Variants in NCAN observed in about 807,000 individuals in gnomAD.
NCAN encodes neurocan core protein.
NCAN carries 47 observed loss-of-function variants against 121.8 expected under a neutral mutation model. The ratio of observed to expected loss-of-function variants is 0.39; its 90% CI spans 0.31 to 0.49. The LOEUF (loss-of-function observed/expected upper bound fraction) is 0.49. Among genes scored for constraint, NCAN ranks in the 20% least tolerant of loss-of-function variants. The probability of loss-of-function intolerance (pLI) is 0.92; values close to 1 mark genes in which losing one functional copy is unlikely to be tolerated. For missense variants in NCAN, 1,517 were observed against 1,773.4 expected (o/e 0.86, Z 2.60); for synonymous variants, 633 against 702.0 (o/e 0.90, Z 1.55).
chr19:19,226,332 T>G (rs993722260), intron 6 of NCAN, among the ~76,000 whole-genome samples, 154 bp from the exon 7 acceptor site: 5 of 152,064 alleles, frequency 3.3e-5, no homozygotes, highest in African/African-American at 1.2e-4. Context: ...TGCACTTCCC[T>G]CTCCCAGGCT....
intron 3 of NCAN, among the ~76,000 whole-genome samples, chr19:19,222,608 A>G (rs1276565126): frequency 6.6e-6 from 1 of 152,120 alleles, no homozygotes; most frequent in Non-Finnish European, 1.5e-5. Context: ...GAGCACCTAC[A>G]CTGTACTGGT....
Position 19,240,364 on chromosome 19 carries a change from C to T in NCAN, c.3410-239C>T, listed in dbSNP as rs576303208. On this transcript the variant is annotated intron_variant, in intron 11 of 14. Transcript: ENST00000252575. ...CTTCCCCTCCCATACATACCTCACCCGGCCCCCAGCCCACAGAGAGGCTGA... is the reference window on the plus strand; with the variant it reads ...CTTCCCCTCCCATACATACCTCACCTGGCCCCCAGCCCACAGAGAGGCTGA... Among the ~76,000 whole-genome samples the T allele has an allele frequency of 8.5e-5, 13 of 152,082 alleles. 1 individual carries two copies. In the South Asian group the frequency reaches 1.2e-3, roughly 15 times the overall value.
chr19:19,231,033 G>A (rs561367600), intron 8 of NCAN, among the ~76,000 whole-genome samples: 3 of 151,796 alleles, frequency 2.0e-5, no homozygotes, highest in Non-Finnish European at 2.9e-5. Flanking sequence ...GACATGAGCC[G>A]TAGCGCCGGG....
chr19:19,213,510 G>C (rs946135284), intron 1 of NCAN, among the ~76,000 whole-genome samples: 5 of 150,102 alleles, frequency 3.3e-5, no homozygotes, highest in East Asian at 4.0e-4. Context: ...TTATGTGGGG[G>C]GGGGGGGGCC....
At chr19:19,240,446 C>T (rs2060899208) in intron 11 of NCAN, among the ~76,000 whole-genome samples, 157 bp from the exon 12 acceptor site, 2 of 151,944 alleles carry the variant, frequency 1.3e-5, no homozygotes, top group Admixed American at 6.6e-5. Context: ...TCTTCATTTC[C>T]ACCTTCTAGA....
chr19:19,249,849 C>T lies in NCAN; in HGVS notation c.3904C>T (p.Arg1302Cys), dbSNP rs754820835. 21 of 1,613,954 alleles carry T rather than the reference C, an allele frequency of 1.3e-5. No homozygotes were observed. The highest frequency in any genetic ancestry group is 1.6e-4 in the Middle Eastern group (1 of 6,084). Residue 1302 changes from arginine (R) to cysteine (C), a missense_variant, in exon 15 of 15, where the codon CGC (arginine) becomes TGC (cysteine). Physicochemically the swap from Arg to Cys is radical, Grantham distance 180 (BLOSUM62 -3). Coordinates refer to ENST00000252575, the MANE Select transcript of NCAN (RefSeq NM_004386.3). Reference protein sequence around the residue: ...QHHHHKSRKERRKHKKHPTED... With the variant: ...QHHHHKSRKECRKHKKHPTED... ...TCACCACCACAAATCCCGCAAGGAG[C>T]GCAGAAAACACAAGAAACACCCAAC...
In NCAN at chr19:19,225,003, C is replaced by G; in HGVS notation, c.805C>G (p.Arg269Gly). 2 of 1,463,052 alleles carry G rather than the reference C, an allele frequency of 1.4e-6. No individual in the cohort carries two copies. The highest frequency in any genetic ancestry group is 1.8e-6 in the Non-Finnish European group (2 of 1,114,454). 90.6% of individuals were successfully genotyped at this position (1,463,052 alleles called of 1,614,324 possible). A position where few individuals can be genotyped will look rare whatever the true frequency, so the allele number is the denominator to read the frequency against. ...GGEVFYVGPA[R>G]RLTLAGARAQ... is the part of the protein sequence containing the mutation. ...CGAGGTCTTCTACGTGGGCCCGGCCCGCCGCCTGACACTGGCCGGCGCGCG... is the reference window on the plus strand; with the variant it reads ...CGAGGTCTTCTACGTGGGCCCGGCCGGCCGCCTGACACTGGCCGGCGCGCG... Residue 269 changes from arginine to glycine, a missense_variant, in exon 6 of 15, where the codon CGC (arginine) becomes GGC (glycine). By Grantham distance (125) the Arg-to-Gly change is moderately radical. Transcript: ENST00000252575. This position sits in a 1 kb window ranked among gnomAD's most constrained non-coding sequence, Gnocchi z 4.0.
chr19:19,232,214 A>G (rs781026454), intron 8 of NCAN, among the ~76,000 whole-genome samples: 6 of 152,182 alleles, frequency 3.9e-5, no homozygotes, highest in African/African-American at 7.2e-5. Flanking sequence ...GGGCTCCACA[A>G]TGAAGCCAAC....
chr19:19,228,523 A>G lies in NCAN; in HGVS notation c.2903A>G (p.Asp968Gly). 6.2e-7 allele frequency: 1 copy of G among 1,613,402 alleles called. No individual in the cohort carries two copies. The highest frequency in any genetic ancestry group is 1.1e-5 in the South Asian group (1 of 91,084). ...TLLPVTLGIE[D>G]FELEVLAGSP... ...CTGCCTGTCACCCTGGGCATAGAGG[A>G]CTTCGAACTGGAGGTCCTGGCAGGG... Residue 968 changes from aspartate to glycine, a missense_variant, in exon 8 of 15, where the codon GAC becomes GGC. Physicochemically the swap from Asp to Gly is moderately conservative, Grantham distance 94 (BLOSUM62 -1). Coordinates refer to ENST00000252575, the MANE Select transcript of NCAN (RefSeq NM_004386.3).
chr19:19,218,780 G>A, intron 2 of NCAN, 135 bp from the exon 3 acceptor site: 2 of 883,328 alleles, frequency 2.3e-6, no homozygotes, highest in Non-Finnish European at 3.1e-6. Context: ...CCACTGCTTG[G>A]ATTCTGAGGT....
Position 19,225,010 on chromosome 19 carries a change from T to C in NCAN, c.812T>C (p.Leu271Pro). 6.8e-7 allele frequency: 1 copy of C among 1,475,058 alleles called. No homozygotes were observed. Among genetic ancestry groups the C allele is most frequent in the Non-Finnish European group, 8.9e-7 (1 of 1,121,236 alleles). 91.4% of individuals were successfully genotyped at this position (1,475,058 alleles called of 1,614,324 possible). ...EVFYVGPARR[L>P]TLAGARAQCR... ...TTCTACGTGGGCCCGGCCCGCCGCC[T>C]GACACTGGCCGGCGCGCGTGCACAG... Residue 271 changes from leucine (L) to proline (P), a missense_variant, in exon 6 of 15, where the codon CTG (leucine) becomes CCG (proline). Coordinates refer to ENST00000252575, the MANE Select transcript of NCAN (RefSeq NM_004386.3). The surrounding 1 kb of genome is among the most constrained non-coding windows in gnomAD (Gnocchi z 4.0).
chr19:19,215,175 G>A (rs549750986), intron 1 of NCAN, among the ~76,000 whole-genome samples: 3 of 152,320 alleles, frequency 2.0e-5, no homozygotes, highest in Non-Finnish European at 4.4e-5. Context: ...AGGGGACTCT[G>A]GGAGCTGGGA....
chr19:19,248,637 C>G, intron 13 of NCAN, 63 bp from the exon 14 acceptor site: 1 of 1,518,508 alleles, frequency 6.6e-7, no homozygotes. Context: ...ACAACAACAA[C>G]AACAACAACT....
chr19:19,224,640 G>C (rs1444251268), intron 5 of NCAN, among the ~76,000 whole-genome samples: 1 of 134,540 alleles, frequency 7.4e-6, no homozygotes, highest in African/African-American at 2.9e-5. Flanking sequence ...TCCTCTCTCT[G>C]ATCCTCTTTC....
In NCAN at chr19:19,226,765, T is replaced by G. The variant is rs1204639436; in HGVS notation, c.1352T>G (p.Val451Gly). The G allele has an allele frequency of 1.9e-6, 3 of 1,613,242 alleles. 1 individual carries two copies. Among genetic ancestry groups the G allele is most frequent in the Non-Finnish European group, 2.5e-6 (3 of 1,179,886 alleles). ...WPTGEVWLST[V>G]APSPSDMGAG... ...ACTGGGGAAGTGTGGCTAAGCACGGTGGCCCCCAGCCCTAGCGACATGGGG... is the reference window on the plus strand; with the variant it reads ...ACTGGGGAAGTGTGGCTAAGCACGGGGGCCCCCAGCCCTAGCGACATGGGG... Residue 451 changes from valine (V) to glycine (G), a missense_variant, in exon 7 of 15, where the codon GTG becomes GGG. Transcript: ENST00000252575.
rs1202711900 is a variant in NCAN, at chr19:19,212,378, GC to G, written c.-8+320del. Among the ~76,000 whole-genome samples the G allele has an allele frequency of 6.6e-6, 1 of 152,076 alleles. No homozygotes were observed. The highest frequency in any genetic ancestry group is 2.1e-4 in the South Asian group (1 of 4,824). On this transcript the variant is annotated intron_variant, in intron 1 of 14. Transcript: ENST00000252575. This position sits in a 1 kb window ranked among gnomAD's most constrained non-coding sequence, Gnocchi z 4.5. ...AATGGGAAACAGGGCTAGGGGAGGG[GC>G]CCCCCGAGTTTGGAGGGAAGAAGAG... is the stretch of plus-strand genomic sequence containing the variant.
chr19:19,227,265 C>G lies in NCAN; in HGVS notation c.1661-16C>G. 6.5e-7 allele frequency: 1 copy of G among 1,534,662 alleles called. No homozygotes were observed. The highest frequency in any genetic ancestry group is 1.3e-5 in the South Asian group (1 of 79,276). On this transcript the variant is annotated splice_polypyrimidine_tract_variant and intron_variant, in intron 7 of 14. Transcript: ENST00000252575. This position sits in a 1 kb window ranked among gnomAD's most constrained non-coding sequence, Gnocchi z 4.2. ...GCTGAGAGATCATTGTAATGATTGC[C>G]TTGATGTTGTTGCAGGTTCTGCTGG...
chr19:19,219,489 G>A (rs959251387), intron 3 of NCAN, among the ~76,000 whole-genome samples, 173 bp downstream of exon 3: 13 of 152,166 alleles, frequency 8.5e-5, no homozygotes, highest in Non-Finnish European at 1.3e-4. Context: ...GAGCACAGGA[G>A]TTCGAGACCA....
chr19:19,217,239 G>A (rs561859497), intron 2 of NCAN, among the ~76,000 whole-genome samples: 5 of 152,162 alleles, frequency 3.3e-5, no homozygotes, highest in Non-Finnish European at 7.3e-5. Context: ...GGAGATTCCC[G>A]CCTCTCATCG....
Sources: allele counts gnomAD v4.1 joint callset (sites outside exome capture counted in the v4.1 genomes callset), GRCh38; gene constraint gnomAD v4.1.1; non-coding constraint Gnocchi (gnomAD v3.1); transcripts MANE v1.5; gene names NCBI Gene and HGNC (gene_info 2026-07-23, HGNC 2026-07-21).